CNNM2: variants seen among roughly 807,000 people sequenced by gnomAD.
CNNM2 encodes the protein cyclin and CBS domain divalent metal cation transport mediator 2, also known as metal transporter CNNM2.
Under a neutral mutation model 66.9 loss-of-function variants are expected in CNNM2, and 12 were observed. The observed-to-expected ratio is 0.18, with a 90% confidence interval of 0.11 to 0.29. CNNM2 has a LOEUF of 0.29. Among genes scored for constraint, CNNM2 ranks in the 10% least tolerant of loss-of-function variants. The probability of loss-of-function intolerance (pLI) is 1.00; values close to 1 mark genes in which losing one functional copy is unlikely to be tolerated. For missense variants in CNNM2, 705 were observed against 1,167.7 expected (o/e 0.60, Z 5.77); for synonymous variants, 557 against 501.8 (o/e 1.11, Z -1.47).
chr10:103,009,114 T>C (rs1367548641), intron 1 of CNNM2, among the ~76,000 whole-genome samples: 1 of 151,884 alleles, frequency 6.6e-6, no homozygotes, highest in Non-Finnish European at 1.5e-5. Context: ...CTGTCTCTAC[T>C]AAAAATACAA....
At chr10:103,034,838 C>G (rs1211810480) in intron 1 of CNNM2, among the ~76,000 whole-genome samples, 1 of 151,760 alleles carries the variant, frequency 6.6e-6, no homozygotes, top group African/African-American at 2.4e-5. Flanking sequence ...CGGTGGCGGG[C>G]GCCTGTAGTC....
intron 1 of CNNM2, among the ~76,000 whole-genome samples, chr10:103,001,737 C>T (rs1337709131): frequency 6.6e-6 from 1 of 152,154 alleles, no homozygotes; most frequent in African/African-American, 2.4e-5. Flanking sequence ...GGTGCGCTGG[C>T]TCATACCTGT....
intron 1 of CNNM2, among the ~76,000 whole-genome samples, chr10:103,022,077 G>T (rs762601646): frequency 6.6e-6 from 1 of 152,156 alleles, no homozygotes; most frequent in Non-Finnish European, 1.5e-5. Context: ...TTTCATCATG[G>T]GACTGAAGCA....
Position 103,088,973 on chromosome 10 carries a change from A to C in CNNM2, c.*11793A>C, listed in dbSNP as rs1009867728. On this transcript the variant is annotated 3_prime_UTR_variant, in exon 8 of 8. Transcript: ENST00000369878. ...AATTCTTTCTATAGATTTATCACAG[A>C]TAAGAAGGAGGTTGTTTTTGGATAA... is the stretch of plus-strand genomic sequence containing the variant. 1 of 209,518 alleles carries C rather than the reference A, an allele frequency of 4.8e-6. No individual in the cohort carries two copies. The highest frequency in any genetic ancestry group is 2.3e-5 in the African/African-American group (1 of 44,012). 13.0% of individuals were successfully genotyped at this position (209,518 alleles called of 1,614,324 possible). A position where few individuals can be genotyped will look rare whatever the true frequency, so the allele number is the denominator to read the frequency against.
intron 1 of CNNM2, among the ~76,000 whole-genome samples, chr10:102,951,999 C>T (rs1846854864): frequency 6.6e-6 from 1 of 152,072 alleles, no homozygotes; most frequent in Admixed American, 6.5e-5. Flanking sequence ...GACAGGGTTT[C>T]TCCATGTTGG....
At chr10:102,950,942 A>G (rs1223707163) in intron 1 of CNNM2, among the ~76,000 whole-genome samples, 1 of 136,446 alleles carries the variant, frequency 7.3e-6, no homozygotes, top group African/African-American at 2.7e-5. Context: ...TTTCTGTAAT[A>G]TTAGTTCCTC....
At chr10:102,942,370 A>G (rs1481066169) in intron 1 of CNNM2, among the ~76,000 whole-genome samples, 1 of 152,154 alleles carries the variant, frequency 6.6e-6, no homozygotes, top group African/African-American at 2.4e-5. Flanking sequence ...TTCTGTCTCT[A>G]TGATTGTGAC....
chr10:102,922,000 A>T (rs974058889), intron 1 of CNNM2, among the ~76,000 whole-genome samples: 1 of 152,162 alleles, frequency 6.6e-6, no homozygotes, highest in Non-Finnish European at 1.5e-5. Context: ...ATTTATTTTC[A>T]TGAGGAGCTG....
chr10:103,016,000 C>T (rs566984233), intron 1 of CNNM2, among the ~76,000 whole-genome samples: 4 of 152,260 alleles, frequency 2.6e-5, no homozygotes, highest in African/African-American at 9.6e-5. Context: ...GATTTCTCCC[C>T]TTTTAAGTAC....
Position 103,076,139 on chromosome 10 carries a change from A to T in CNNM2, c.2287A>T (p.Ser763Cys). Reference protein sequence around the residue: ...PCGLNHSDSLSRSDRIDAVTP... With the variant: ...PCGLNHSDSLCRSDRIDAVTP... ...TGGCTTGAATCACTCAGACTCTCTC[A>T]GTCGAAGCGACCGGATTGACGCCGT... The change falls in exon 7 of 8, where the codon AGT becomes TGT. Residue 763 changes from serine to cysteine, a missense_variant. Physicochemically the swap from Ser to Cys is moderately radical, Grantham distance 112. This residue lies in a region of CNNM2 where 194 missense variants were observed against 227.6 expected (regional missense o/e 0.85). Coordinates refer to ENST00000369878, the MANE Select transcript of CNNM2 (RefSeq NM_017649.5). 3.7e-6 allele frequency: 6 copies of T among 1,611,016 alleles called. No homozygotes were observed. The highest frequency in any genetic ancestry group is 5.1e-6 in the Non-Finnish European group (6 of 1,178,756).
At chr10:103,062,279 G>C (rs778561108) in intron 4 of CNNM2, among the ~76,000 whole-genome samples, 1 of 152,154 alleles carries the variant, frequency 6.6e-6, no homozygotes, top group African/African-American at 2.4e-5. Flanking sequence ...AGTATGGCAG[G>C]TGGCATCTTA....
chr10:102,920,141 C>T, intron 1 of CNNM2, 40 bp downstream of exon 1: 1 of 1,613,984 alleles, frequency 6.2e-7, no homozygotes, highest in Non-Finnish European at 8.5e-7. Flanking sequence ...TGCTCTTTCT[C>T]TCTCCATCCT....
In CNNM2 at chr10:102,928,582, C is replaced by CAA. The variant is rs34854394; in HGVS notation, c.1621+8497_1621+8498dup. On this transcript the variant is annotated intron_variant, in intron 1 of 7. Transcript: ENST00000369878. ...GGGCAACAAGAGTGAAACTCTGTCT[C>CAA]AAAAAAAAAAAAAAAAAGAAATTTA... is the stretch of plus-strand genomic sequence containing the variant. Among the ~76,000 whole-genome samples the CAA allele has an allele frequency of 8.3e-6, 1 of 121,024 alleles. No individual in the cohort carries two copies. Among genetic ancestry groups the CAA allele is most frequent in the Non-Finnish European group, 1.8e-5 (1 of 56,452 alleles). 79.4% of individuals were successfully genotyped at this position (121,024 alleles called of 152,430 possible). A position where few individuals can be genotyped will look rare whatever the true frequency, so the allele number is the denominator to read the frequency against.
At chr10:103,050,756 G>A (rs924633277) in intron 2 of CNNM2, among the ~76,000 whole-genome samples, 1 of 152,116 alleles carries the variant, frequency 6.6e-6, no homozygotes, top group African/African-American at 2.4e-5. Context: ...TTTGGGGGAA[G>A]GTGAAAGTGG....
At chr10:103,025,317 C>G (rs2064680515) in intron 1 of CNNM2, among the ~76,000 whole-genome samples, 1 of 152,140 alleles carries the variant, frequency 6.6e-6, no homozygotes, top group Admixed American at 6.5e-5. Context: ...TCTTGATCTC[C>G]TGACCTTGTG....
intron 4 of CNNM2, among the ~76,000 whole-genome samples, chr10:103,068,051 G>A (rs368686835): frequency 1.3e-5 from 2 of 152,108 alleles, no homozygotes; most frequent in Non-Finnish European, 2.9e-5. Context: ...ATTCAGCCCC[G>A]GCCCTGGCTC....
At position 102,919,094 on chromosome 10, in the gene CNNM2, C is replaced by T. The variant is rs143215831; in HGVS notation, c.614C>T (p.Ser205Leu). The T allele has an allele frequency of 6.2e-7, 1 of 1,611,308 alleles. No individual in the cohort carries two copies. The highest frequency in any genetic ancestry group is 8.5e-7 in the Non-Finnish European group (1 of 1,179,084). Residue 205 changes from serine to leucine, a missense_variant, in exon 1 of 8, where the codon TCG becomes TTG. Ser to Leu is a moderately radical substitution (Grantham distance 145, BLOSUM62 -2). Coordinates refer to ENST00000369878, the MANE Select transcript of CNNM2 (RefSeq NM_017649.5). ...ACGCCCGCCCTGGGCGCCGGCGGCT[C>T]GGGGTCCACGGGTGGCGCCGTCGGG... ...LSTPALGAGG[S>L]GSTGGAVGGK...
At chr10:103,031,977 A>G (rs1185180365) in intron 1 of CNNM2, among the ~76,000 whole-genome samples, 1 of 152,220 alleles carries the variant, frequency 6.6e-6, no homozygotes, top group Non-Finnish European at 1.5e-5. Flanking sequence ...GTCTGCCTGC[A>G]CTGATGCACG....
chr10:103,051,356 G>A lies in CNNM2; in HGVS notation c.1765+1506G>A, dbSNP rs553799886. Among the ~76,000 whole-genome samples the A allele has an allele frequency of 4.6e-5, 7 of 151,510 alleles. No homozygotes were observed. In the East Asian group the frequency reaches 7.8e-4, roughly 17 times the overall value. The stretch of plus-strand genomic sequence containing the variant: ...TGAGGCAGGAGAATCACTTGAACCC[G>A]GGAGGCGGAGGTTGCAGTGAGCTGA... On this transcript the variant is annotated intron_variant, in intron 2 of 7. Transcript: ENST00000369878.
Sources: gnomAD v4.1 joint callset for allele counts (sites outside exome capture counted in the v4.1 genomes callset) on GRCh38, gnomAD v4.1.1 for gene constraint, gnomAD v4.1.1 regional missense constraint, MANE v1.5 for transcripts, NCBI Gene and HGNC (gene_info 2026-07-23, HGNC 2026-07-21) for gene names.